Variants in DIAPH1 observed in about 807,000 individuals in gnomAD.
DIAPH1 encodes the protein diaphanous related formin 1.
DIAPH1 carries 46 observed loss-of-function variants against 140.7 expected under a neutral mutation model. The ratio of observed to expected loss-of-function variants is 0.33; its 90% CI spans 0.26 to 0.42. DIAPH1 has a LOEUF of 0.42. DIAPH1 is among the 10% of genes least tolerant of loss of function. The pLI is 1.00. For missense variants in DIAPH1, 1,310 were observed against 1,558.7 expected (o/e 0.84, Z 2.69); for synonymous variants, 565 against 551.6 (o/e 1.02, Z -0.34).
chr5:141,544,631 G>A (rs2099890509), intron 18 of DIAPH1, among the ~76,000 whole-genome samples: 1 of 152,186 alleles, frequency 6.6e-6, no homozygotes, highest in South Asian at 2.1e-4. Context: ...AATATCATCA[G>A]TAAGTCATGA....
At chr5:141,525,774 C>T (rs1325052540) in intron 26 of DIAPH1, among the ~76,000 whole-genome samples, 1 of 152,156 alleles carries the variant, frequency 6.6e-6, no homozygotes, top group Non-Finnish European at 1.5e-5. Flanking sequence ...GTATATATCA[C>T]AGCAATACCA....
chr5:141,519,482 CAGG>C (rs946011182), intron 27 of DIAPH1, among the ~76,000 whole-genome samples: 13 of 152,180 alleles, frequency 8.5e-5, no homozygotes, highest in African/African-American at 2.7e-4. Context: ...CTGGGCAACA[CAGG>C]AGAAGGCAGA....
intron 7 of DIAPH1, among the ~76,000 whole-genome samples, chr5:141,581,516 T>C (rs1161303798): frequency 6.6e-6 from 1 of 152,240 alleles, no homozygotes; most frequent in Non-Finnish European, 1.5e-5. Flanking sequence ...TTGATTTATA[T>C]GTTTCTTGTT....
intron 18 of DIAPH1, among the ~76,000 whole-genome samples, chr5:141,570,599 T>C (rs2099895031): frequency 6.6e-6 from 1 of 151,576 alleles, no homozygotes; most frequent in Non-Finnish European, 1.5e-5. Context: ...TCAGATCACT[T>C]AAGGAAAAAA....
intron 27 of DIAPH1, among the ~76,000 whole-genome samples, chr5:141,523,621 G>A (rs2099886880): frequency 6.6e-6 from 1 of 151,856 alleles, no homozygotes; most frequent in East Asian, 1.9e-4. Context: ...TTTCAGACAC[G>A]GCATAATCCT....
At chr5:141,564,796 T>C (rs1484268647) in intron 18 of DIAPH1, 1 of 152,218 alleles carries the variant, frequency 6.6e-6, no homozygotes, top group Non-Finnish European at 1.5e-5. Context: ...ACCAGAAGTT[T>C]AAAACTGAAA....
chr5:141,597,603 G>C (rs1393462273), intron 1 of DIAPH1, among the ~76,000 whole-genome samples: 1 of 152,128 alleles, frequency 6.6e-6, no homozygotes, highest in Non-Finnish European at 1.5e-5. Flanking sequence ...AGGAAATCCC[G>C]GGGATAAAGG....
Position 141,527,715 on chromosome 5 carries a change from A to AAAAAAAAC in DIAPH1, c.3149-26_3149-19dup. 1 of 1,566,144 alleles carries AAAAAAAAC rather than the reference A, an allele frequency of 6.4e-7. No individual in the cohort carries two copies. Among genetic ancestry groups the AAAAAAAAC allele is most frequent in the South Asian group, 1.2e-5 (1 of 83,530 alleles). ...AGCAGAAACTAAAAAAAAAAAAAAA[A>AAAAAAAAC]AAAAAAACCATAAAAACAGACAGCA... On this transcript the variant is annotated intron_variant, in intron 23 of 27. Transcript: ENST00000389054.
chr5:141,561,229 G>A (rs1437521029), intron 18 of DIAPH1, among the ~76,000 whole-genome samples: 1 of 152,132 alleles, frequency 6.6e-6, no homozygotes, highest in African/African-American at 2.4e-5. Flanking sequence ...CTGGCTCTAA[G>A]AAGAGTTGGG....
At chr5:141,524,768 T>C (rs764607812) in intron 26 of DIAPH1, 16 of 187,778 alleles carry the variant, frequency 8.5e-5, no homozygotes, top group Non-Finnish European at 1.6e-4. Flanking sequence ...AGAGTTAATG[T>C]AGAATCCTTG....
intron 18 of DIAPH1, among the ~76,000 whole-genome samples, chr5:141,552,453 C>A (rs1233204171): frequency 6.6e-6 from 1 of 152,124 alleles, no homozygotes; most frequent in Non-Finnish European, 1.5e-5. Context: ...AGATGCTATG[C>A]TGCTGGCTTT....
Position 141,575,884 on chromosome 5 carries a change from T to C in DIAPH1, c.1461+346A>G, listed in dbSNP as rs151120959. On this transcript the variant is annotated intron_variant, in intron 14 of 27. Transcript: ENST00000389054. The stretch of plus-strand genomic sequence containing the variant: ...AAAAGAGAACTCAGACATCCTCTAG[T>C]TCTATTGCTCTAAGGACCCCAGTTC... 3.7e-3 allele frequency among the ~76,000 whole-genome samples: 563 copies of C among 152,264 alleles called. 5 individuals carry two copies. The highest frequency in any genetic ancestry group is 0.011 in the Admixed American group (164 of 15,306).
chr5:141,575,450 A>T (rs1351051896), intron 14 of DIAPH1, among the ~76,000 whole-genome samples: 6 of 152,158 alleles, frequency 3.9e-5, no homozygotes, highest in African/African-American at 1.4e-4. Flanking sequence ...GAAGTTCGAG[A>T]CCAACCTGTC....
chr5:141,550,975 A>AGAT (rs2099891596), intron 18 of DIAPH1, among the ~76,000 whole-genome samples: 3 of 152,254 alleles, frequency 2.0e-5, no homozygotes, highest in Admixed American at 6.5e-5. Flanking sequence ...GTTCCCAATT[A>AGAT]AATGAGACTA....
Position 141,573,497 on chromosome 5 carries a change from A to C in DIAPH1, c.2353T>G (p.Ser785Ala). The change falls in exon 16 of 28, where the codon TCC becomes GCC. Residue 785 changes from serine to alanine, a missense_variant. Coordinates refer to ENST00000389054, the MANE Select transcript of DIAPH1 (RefSeq NM_005219.5). ...PEVQLRRPNW[S>A]KLVAEDLSQD... ...AAATAGACAGAAACTCTTACCTTGGACCAGTTTGGCCTCCGGAGCTGCACC... is the reference window on the plus strand; with the variant it reads ...AAATAGACAGAAACTCTTACCTTGGCCCAGTTTGGCCTCCGGAGCTGCACC... 1 of 1,604,310 alleles carries C rather than the reference A, an allele frequency of 6.2e-7. No individual in the cohort carries two copies. Among genetic ancestry groups the C allele is most frequent in the Non-Finnish European group, 8.5e-7 (1 of 1,174,454 alleles).
intron 1 of DIAPH1, among the ~76,000 whole-genome samples, chr5:141,608,527 G>A (rs1335639156): frequency 6.6e-6 from 1 of 152,130 alleles, no homozygotes; most frequent in African/African-American, 2.4e-5. Flanking sequence ...ATTTCTTAAA[G>A]AGCAAGAACT....
At chr5:141,535,981 CA>C in intron 18 of DIAPH1, 1 of 467,672 alleles carries the variant, frequency 2.1e-6, no homozygotes, top group Non-Finnish European at 4.4e-6. Context: ...AAGTTACATA[CA>C]AAAGGTACAA....
intron 18 of DIAPH1, among the ~76,000 whole-genome samples, chr5:141,541,727 A>C (rs1562295431): frequency 6.6e-6 from 1 of 151,828 alleles, no homozygotes; most frequent in Non-Finnish European, 1.5e-5. Flanking sequence ...AGAAAGAAAA[A>C]GAAATGAACA....
chr5:141,553,650 AC>A (rs992834067), intron 18 of DIAPH1, among the ~76,000 whole-genome samples: 3 of 151,676 alleles, frequency 2.0e-5, no homozygotes, highest in East Asian at 1.9e-4. Flanking sequence ...TCTCAAAAAA[AC>A]CCCCCAAGAA....
Sources: allele counts gnomAD v4.1 joint callset (sites outside exome capture counted in the v4.1 genomes callset), GRCh38; gene constraint gnomAD v4.1.1; transcripts MANE v1.5; gene names NCBI Gene and HGNC (gene_info 2026-07-23, HGNC 2026-07-21).